LIN28B: variants seen among roughly 807,000 people sequenced by gnomAD.
LIN28B encodes protein lin-28 homolog B.
Under a neutral mutation model 21.9 loss-of-function variants are expected in LIN28B, and 5 were observed. That is an observed-to-expected ratio of 0.23 (90% confidence interval 0.12 to 0.48). The LOEUF (loss-of-function observed/expected upper bound fraction) is 0.48. Among genes scored for constraint, LIN28B ranks in the 20% least tolerant of loss-of-function variants. The pLI, the probability that LIN28B is intolerant of heterozygous loss-of-function variation, is 0.98. For synonymous variants in LIN28B, 109 were observed against 111.3 expected (o/e 0.98, Z 0.13); for missense variants, 245 against 310.5 (o/e 0.79, Z 1.58).
chr6:104,962,892 C>T (rs1769778261), intron 2 of LIN28B, among the ~76,000 whole-genome samples: 1 of 151,980 alleles, frequency 6.6e-6, no homozygotes, highest in African/African-American at 2.4e-5. Context: ...ACATAAGCAG[C>T]TCATTTGTAT....
chr6:104,957,358 C>G lies in LIN28B; in HGVS notation c.10+98C>G. On this transcript the variant is annotated intron_variant, in intron 1 of 3. Coordinates refer to ENST00000345080, the MANE Select transcript of LIN28B (RefSeq NM_001004317.4). ...CTTCTTAGACCGTCCCCCCCTTCCC[C>G]TTTTACCCCAATACTGGGCATTACC... The G allele has an allele frequency of 1.1e-5, 8 of 726,406 alleles. No individual in the cohort carries two copies. The South Asian group carries it at 1.4e-4, about 13-fold the overall frequency. The allele number at this position is 726,406 out of a possible 1,614,324, so 45.0% of individuals were successfully genotyped here. A position where few individuals can be genotyped will look rare whatever the true frequency, so the allele number is the denominator to read the frequency against.
At chr6:104,941,285 C>T (rs536823176) in intron 2 of LIN28B, 29 of 152,318 alleles carry the variant, frequency 1.9e-4, no homozygotes, top group African/African-American at 6.7e-4. Context: ...CCGGTGCTGC[C>T]GCTAAGACGC....
intron 2 of LIN28B, chr6:104,941,531 G>T (rs1242257528): frequency 6.7e-6 from 1 of 148,386 alleles, no homozygotes; most frequent in South Asian, 2.1e-4. Context: ...CCCGGCGGCG[G>T]GTCCTCGCGG....
At chr6:104,958,949 CAA>C (rs202225528) in intron 2 of LIN28B, among the ~76,000 whole-genome samples, 1 of 152,052 alleles carries the variant, frequency 6.6e-6, no homozygotes, top group Non-Finnish European at 1.5e-5. Context: ...AGACTGAACT[CAA>C]AAAAACATGT....
intron 3 of LIN28B, among the ~76,000 whole-genome samples, chr6:105,070,775 C>T (rs1038329793): frequency 2.6e-5 from 4 of 152,094 alleles, no homozygotes; most frequent in African/African-American, 9.7e-5. Flanking sequence ...TAGACCTTAT[C>T]TCAAGAAAAA....
intron 2 of LIN28B, among the ~76,000 whole-genome samples, chr6:105,017,133 A>C (rs1771048091): frequency 1.3e-5 from 2 of 151,954 alleles, no homozygotes; most frequent in Admixed American, 1.3e-4. Context: ...ATCATGTGTT[A>C]TAATGGTGAT....
chr6:104,999,263 C>T (rs1770672641), intron 2 of LIN28B, among the ~76,000 whole-genome samples: 1 of 152,114 alleles, frequency 6.6e-6, no homozygotes, highest in African/African-American at 2.4e-5. Context: ...CCTCACCCTC[C>T]AGAGCAGCTG....
chr6:105,073,119 C>T (rs760134382), intron 3 of LIN28B, among the ~76,000 whole-genome samples: 2 of 152,056 alleles, frequency 1.3e-5, no homozygotes, highest in Admixed American at 6.6e-5. Flanking sequence ...CACCCACCTC[C>T]CCACCACCAG....
intron 2 of LIN28B, among the ~76,000 whole-genome samples, chr6:104,991,617 C>T (rs538023162): frequency 3.3e-5 from 5 of 151,800 alleles, no homozygotes; most frequent in South Asian, 4.2e-4. Context: ...GGGTGGTGGC[C>T]GGGCAGAGGC....
intron 2 of LIN28B, among the ~76,000 whole-genome samples, chr6:104,969,484 T>G (rs867444351): frequency 5.9e-5 from 9 of 152,172 alleles, no homozygotes; most frequent in South Asian, 4.1e-4. Context: ...AACAACTCTT[T>G]ATATTGGACA....
At chr6:105,022,295 G>C (rs1457733710) in intron 2 of LIN28B, among the ~76,000 whole-genome samples, 1 of 152,118 alleles carries the variant, frequency 6.6e-6, no homozygotes, top group Non-Finnish European at 1.5e-5. Context: ...AAAAATTACT[G>C]ACAAGAGGCA....
At chr6:104,974,994 AT>A (rs1273697111) in intron 2 of LIN28B, among the ~76,000 whole-genome samples, 1 of 151,830 alleles carries the variant, frequency 6.6e-6, no homozygotes, top group Non-Finnish European at 1.5e-5. Context: ...TAATTTTTGT[AT>A]TTTTAGTAGA....
At chr6:105,000,098 A>G (rs138194282) in intron 2 of LIN28B, among the ~76,000 whole-genome samples, 1 of 152,254 alleles carries the variant, frequency 6.6e-6, no homozygotes, top group East Asian at 1.9e-4. Flanking sequence ...GAAGTTTCAA[A>G]TAAGAGTTTA....
At chr6:104,973,384 T>A (rs557608375) in intron 2 of LIN28B, among the ~76,000 whole-genome samples, 485 of 152,314 alleles carry the variant, frequency 3.2e-3, no homozygotes, top group Non-Finnish European at 5.6e-3. Context: ...CAGTGTAAAT[T>A]GAATAATGAA....
At chr6:104,944,507 A>C (rs314264) in intron 2 of LIN28B, among the ~76,000 whole-genome samples, 104,744 of 151,790 alleles carry the variant, frequency 0.69, 36,189 homozygotes, top group Admixed American at 0.73. Flanking sequence ...GAAATAAATT[A>C]CACTTAAAAA....
chr6:105,069,605 C>T (rs749560810), intron 3 of LIN28B, among the ~76,000 whole-genome samples: 3 of 151,954 alleles, frequency 2.0e-5, no homozygotes, highest in Middle Eastern at 3.4e-3. Flanking sequence ...TTGGCACACA[C>T]CTGTAGTCCC....
intron 3 of LIN28B, among the ~76,000 whole-genome samples, chr6:105,039,160 G>T (rs547244995): frequency 6.6e-6 from 1 of 152,270 alleles, no homozygotes; most frequent in Admixed American, 6.5e-5. Flanking sequence ...AGAGCACTTT[G>T]CATGTAGTAA....
rs113422763 is a variant in LIN28B at position 105,071,080 on chromosome 6, T to C, written c.384-7334T>C. Among the ~76,000 whole-genome samples the C allele has an allele frequency of 7.9e-3, 1,205 of 152,248 alleles. 18 individuals carry two copies. Among genetic ancestry groups the C allele is most frequent in the African/African-American group, 0.028 (1,154 of 41,554 alleles). On this transcript the variant is annotated intron_variant, in intron 3 of 3. Coordinates refer to ENST00000345080, the MANE Select transcript of LIN28B (RefSeq NM_001004317.4). Reference sequence around the variant, plus strand: ...TTAGTAGAGACGGAGTTTCACTGTGTTGGCCTGGCTGGTCTCAAACTCCTC... The same window carrying C: ...TTAGTAGAGACGGAGTTTCACTGTGCTGGCCTGGCTGGTCTCAAACTCCTC...
chr6:105,059,230 T>A lies in LIN28B; in HGVS notation c.384-19184T>A, dbSNP rs983773180. On this transcript the variant is annotated intron_variant, in intron 3 of 3. Coordinates refer to ENST00000345080, the MANE Select transcript of LIN28B (RefSeq NM_001004317.4). Reference sequence around the variant, plus strand: ...GTATATATATATGTATTTTTTTTTTTAAACTAGGGAGAAGTATCTCTTTTC... The same window carrying A: ...GTATATATATATGTATTTTTTTTTTAAAACTAGGGAGAAGTATCTCTTTTC... 5.1e-4 allele frequency among the ~76,000 whole-genome samples: 70 copies of A among 136,434 alleles called. No homozygotes were observed. The Middle Eastern group carries it at 0.015, about 30-fold the overall frequency. 89.5% of individuals were successfully genotyped at this position (136,434 alleles called of 152,430 possible).
Sources: allele counts gnomAD v4.1 joint callset (sites outside exome capture counted in the v4.1 genomes callset), GRCh38; gene constraint gnomAD v4.1.1; transcripts MANE v1.5; gene names NCBI Gene and HGNC (gene_info 2026-07-23, HGNC 2026-07-21).